The following SNX13 variants were observed in gnomAD, a reference collection of about 807,000 sequenced individuals.
The protein encoded by SNX13 is sorting nexin 13.
SNX13 carries 45 observed loss-of-function variants against 133.6 expected under a neutral mutation model. The ratio of observed to expected loss-of-function variants is 0.34; its 90% confidence interval spans 0.27 to 0.43. The LOEUF (loss-of-function observed/expected upper bound fraction) is 0.43, where lower values mean the gene tolerates loss of function less well. Ranked by LOEUF, SNX13 falls within the 20% of genes least tolerant of loss-of-function variation. SNX13 has a pLI of 1.00. For synonymous variants in SNX13, 414 were observed against 373.9 expected (o/e 1.11, Z -1.24); for missense variants, 1,032 against 1,145.1 (o/e 0.90, Z 1.43).
intron 20 of SNX13, among the ~76,000 whole-genome samples, chr7:17,813,237 A>T (rs1786264567): frequency 6.6e-6 from 1 of 152,224 alleles, no homozygotes. Context: ...ATATCAATTT[A>T]TTACTTTATC....
intron 1 of SNX13, among the ~76,000 whole-genome samples, chr7:17,919,458 G>T (rs1417922283): frequency 6.6e-6 from 1 of 152,130 alleles, no homozygotes; most frequent in African/African-American, 2.4e-5. Flanking sequence ...ATACCATACA[G>T]TTCAGTAGAA....
chr7:17,805,846 A>C (rs1302397110), intron 20 of SNX13, among the ~76,000 whole-genome samples: 1 of 152,200 alleles, frequency 6.6e-6, no homozygotes, highest in Non-Finnish European at 1.5e-5. Context: ...CAAAAGGTAA[A>C]GCCCAAGCAT....
At chr7:17,899,295 G>A (rs1175057156) in intron 1 of SNX13, 3 of 151,960 alleles carry the variant, frequency 2.0e-5, no homozygotes, top group Non-Finnish European at 4.4e-5. Flanking sequence ...AGGTAGTCTT[G>A]GGTTAAATCT....
chr7:17,889,657 A>C (rs537120146), intron 5 of SNX13: 67 of 152,298 alleles, frequency 4.4e-4, no homozygotes, highest in African/African-American at 1.5e-3. Flanking sequence ...GCCTTCAAAA[A>C]TAAAAATGAA....
At chr7:17,810,185 G>GT (rs967864592) in intron 20 of SNX13, among the ~76,000 whole-genome samples, 7 of 152,060 alleles carry the variant, frequency 4.6e-5, no homozygotes, top group African/African-American at 1.7e-4. Flanking sequence ...CCAGGAGCTG[G>GT]TTTTTTTGAA....
chr7:17,882,900 G>C (rs747914879), intron 5 of SNX13: 2 of 1,218,230 alleles, frequency 1.6e-6, no homozygotes, highest in Non-Finnish European at 2.2e-6. Context: ...GCAGTGAGCC[G>C]AGATTGCGCC....
chr7:17,905,108 C>T (rs1798251315), intron 1 of SNX13, among the ~76,000 whole-genome samples: 1 of 152,136 alleles, frequency 6.6e-6, no homozygotes, highest in African/African-American at 2.4e-5. Context: ...AGATACAATG[C>T]TATATACTCC....
At chr7:17,861,231 G>A (rs569266016) in intron 9 of SNX13, among the ~76,000 whole-genome samples, 47 of 152,012 alleles carry the variant, frequency 3.1e-4, no homozygotes, top group Middle Eastern at 6.8e-3. Flanking sequence ...CTGCATTCTT[G>A]TTCAGCAGGA....
At chr7:17,831,063 A>G in intron 15 of SNX13, 1 of 984,354 alleles carries the variant, frequency 1.0e-6, no homozygotes, top group Non-Finnish European at 1.2e-6. Flanking sequence ...ATTCAATTAT[A>G]TGCCTCCTAC....
chr7:17,939,361 G>A (rs533626267), intron 1 of SNX13, among the ~76,000 whole-genome samples: 4 of 152,134 alleles, frequency 2.6e-5, no homozygotes, highest in Non-Finnish European at 5.9e-5. Flanking sequence ...CTTCGAAAAA[G>A]GTATTTCATC....
At chr7:17,925,278 T>A (rs747921527) in intron 1 of SNX13, among the ~76,000 whole-genome samples, 1 of 151,850 alleles carries the variant, frequency 6.6e-6, no homozygotes, top group African/African-American at 2.4e-5. Flanking sequence ...GAGAAAGAAG[T>A]GTGGAGTAAA....
chr7:17,800,337 A>G (rs1346426845), intron 22 of SNX13, among the ~76,000 whole-genome samples: 1 of 151,774 alleles, frequency 6.6e-6, no homozygotes, highest in Non-Finnish European at 1.5e-5. Context: ...ATTACAACTT[A>G]AAATAAATCT....
rs979874600 is a variant in SNX13, at chr7:17,832,206, T to TA, written c.1597+1845dup. On this transcript the variant is annotated intron_variant, in intron 15 of 25. Transcript: ENST00000428135. Reference sequence around the variant, plus strand: ...AAATTTTTTAATGTACTTCGTGTTTTAAAAAAGTACAGTGTATGATTTTAG... The same window carrying TA: ...AAATTTTTTAATGTACTTCGTGTTTTAAAAAAAGTACAGTGTATGATTTTAG... The TA allele has an allele frequency of 6.1e-6, 6 of 984,448 alleles. No homozygotes were observed. In the African/African-American group the frequency reaches 1.0e-4, roughly 17 times the overall value. The allele number at this position is 984,448 out of a possible 1,614,324, so 61.0% of individuals were successfully genotyped here. A position where few individuals can be genotyped will look rare whatever the true frequency, so the allele number is the denominator to read the frequency against.
At chr7:17,862,751 G>A (rs1007137772) in intron 9 of SNX13, among the ~76,000 whole-genome samples, 3 of 152,088 alleles carry the variant, frequency 2.0e-5, no homozygotes, top group Non-Finnish European at 4.4e-5. Context: ...ATGCTGCTAT[G>A]AACGGTCTTA....
chr7:17,900,344 G>A (rs549453743), intron 1 of SNX13: 2 of 152,480 alleles, frequency 1.3e-5, no homozygotes, highest in East Asian at 3.9e-4. Context: ...GAAGCCCTAG[G>A]ACTCTACAAT....
chr7:17,863,524 G>A (rs894944038), intron 9 of SNX13, among the ~76,000 whole-genome samples: 1 of 152,198 alleles, frequency 6.6e-6, no homozygotes, highest in Admixed American at 6.5e-5. Flanking sequence ...TGAAACCCAA[G>A]AATATACATC....
At chr7:17,794,597 A>C (rs1450120635) in intron 25 of SNX13, 2 of 222,044 alleles carry the variant, frequency 9.0e-6, no homozygotes, top group African/African-American at 4.6e-5. Flanking sequence ...TACCCATGTG[A>C]TACTTACCCA....
At chr7:17,796,737 A>C (rs1409596366) in intron 25 of SNX13, 90 bp downstream of exon 25, 8 of 896,990 alleles carry the variant, frequency 8.9e-6, no homozygotes, top group African/African-American at 1.6e-5. Context: ...AGTTGTTATA[A>C]TCAAAAGGCA....
At chr7:17,919,885 C>CCAAAG (rs1183860688) in intron 1 of SNX13, among the ~76,000 whole-genome samples, 6 of 152,088 alleles carry the variant, frequency 3.9e-5, no homozygotes, top group African/African-American at 1.4e-4. Context: ...AATCCCAGGA[C>CCAAAG]TTTGGGAGGC....
Sources: allele counts gnomAD v4.1 joint callset (sites outside exome capture counted in the v4.1 genomes callset), GRCh38; gene constraint gnomAD v4.1.1; transcripts MANE v1.5; gene names NCBI Gene and HGNC (gene_info 2026-07-23, HGNC 2026-07-21).